The following COX10 variants were observed in gnomAD, a reference collection of about 807,000 sequenced individuals.
COX10 encodes the protein protoheme IX farnesyltransferase, mitochondrial.
In COX10, 27 loss-of-function variants were observed where a neutral mutation model predicts 37.3. That is an observed-to-expected ratio of 0.72 (90% CI 0.53 to 1.00). The LOEUF (loss-of-function observed/expected upper bound fraction) is 1.00, where lower values mean the gene tolerates loss of function less well. Ranked by LOEUF, COX10 falls within the 50% of genes least tolerant of loss-of-function variation. The probability of loss-of-function intolerance (pLI) is 0.00; values close to 1 mark genes in which losing one functional copy is unlikely to be tolerated. For missense variants in COX10, 475 were observed against 563.2 expected (o/e 0.84, Z 1.59); for synonymous variants, 222 against 229.1 (o/e 0.97, Z 0.28).
At chr17:14,136,597 A>G (rs1393708412) in intron 4 of COX10, among the ~76,000 whole-genome samples, 1 of 151,976 alleles carries the variant, frequency 6.6e-6, no homozygotes, top group African/African-American at 2.4e-5. Flanking sequence ...TTTGGTATGT[A>G]CATTTCAAAA....
chr17:14,187,517 T>A (rs948802386), intron 5 of COX10, among the ~76,000 whole-genome samples: 2 of 152,216 alleles, frequency 1.3e-5, no homozygotes, highest in Admixed American at 6.5e-5. Context: ...CAATTTTTTT[T>A]AAGTAGTTAT....
In COX10 at chr17:14,162,808, T is replaced by C. The variant is rs190048511; in HGVS notation, c.695+2861T>C. On this transcript the variant is annotated intron_variant, in intron 5 of 6. Coordinates refer to ENST00000261643, the MANE Select transcript of COX10 (RefSeq NM_001303.4). ...GTAATCGAATCCTCAAACACAGATATAGAGTTAGGTGCGATGAAGGCATCT... is the reference window on the plus strand; with the variant it reads ...GTAATCGAATCCTCAAACACAGATACAGAGTTAGGTGCGATGAAGGCATCT... Among the ~76,000 whole-genome samples the C allele has an allele frequency of 1.2e-3, 181 of 152,290 alleles. 1 individual carries two copies. Among genetic ancestry groups the C allele is most frequent in the Non-Finnish European group, 2.4e-3 (161 of 68,016 alleles).
intron 4 of COX10, among the ~76,000 whole-genome samples, chr17:14,150,556 T>C (rs183509827): frequency 6.6e-6 from 1 of 152,306 alleles, no homozygotes; most frequent in East Asian, 1.9e-4. Flanking sequence ...CCATTGGAAT[T>C]AATGTCCAGC....
intron 4 of COX10, among the ~76,000 whole-genome samples, chr17:14,105,396 A>T (rs1319598554): frequency 6.6e-6 from 1 of 152,190 alleles, no homozygotes; most frequent in African/African-American, 2.4e-5. Flanking sequence ...TGCTGGGAGG[A>T]TGGCTGCCAG....
rs185478210 is a variant in COX10, at chr17:14,078,655, C to A, written c.499+1599C>A. On this transcript the variant is annotated intron_variant, in intron 3 of 6. Transcript: ENST00000261643. Reference sequence around the variant, plus strand: ...GTTTTTGCAGCAGCTTCTAACTGTTCTTTCTTTTGTCCTCCGCCCCGCTTA... The same window carrying A: ...GTTTTTGCAGCAGCTTCTAACTGTTATTTCTTTTGTCCTCCGCCCCGCTTA... Among the ~76,000 whole-genome samples the A allele has an allele frequency of 2.5e-4, 38 of 152,268 alleles. No individual in the cohort carries two copies. The East Asian group carries it at 6.9e-3, about 28-fold the overall frequency.
rs544858664 is a variant in COX10, at chr17:14,143,760, G to T, written c.625-16117G>T. ...CAACTGTCTTTTAAAGGTGTACTCTGTGTTCTCTGATAGGCAAAATGGATG... is the reference window on the plus strand; with the variant it reads ...CAACTGTCTTTTAAAGGTGTACTCTTTGTTCTCTGATAGGCAAAATGGATG... On this transcript the variant is annotated intron_variant, in intron 4 of 6. Coordinates refer to ENST00000261643, the MANE Select transcript of COX10 (RefSeq NM_001303.4). Among the ~76,000 whole-genome samples the T allele has an allele frequency of 2.0e-5, 3 of 152,260 alleles. No homozygotes were observed. In the East Asian group the frequency reaches 5.8e-4, roughly 29 times the overall value.
intron 5 of COX10, among the ~76,000 whole-genome samples, chr17:14,161,276 T>C (rs1251888726): frequency 6.6e-6 from 1 of 152,208 alleles, no homozygotes; most frequent in Non-Finnish European, 1.5e-5. Context: ...GTCCCAAATA[T>C]TGAAGTCTCA....
At chr17:14,104,336 G>T (rs946735332) in intron 4 of COX10, among the ~76,000 whole-genome samples, 2 of 152,034 alleles carry the variant, frequency 1.3e-5, no homozygotes, top group African/African-American at 4.8e-5. Context: ...CCAGTGTTAG[G>T]CAATCTTATA....
intron 4 of COX10, among the ~76,000 whole-genome samples, chr17:14,151,313 C>T (rs560443982): frequency 6.6e-6 from 1 of 152,180 alleles, no homozygotes; most frequent in African/African-American, 2.4e-5. Context: ...TGAAATGAAC[C>T]ATGAGTCTTG....
chr17:14,076,734 G>A lies in COX10; in HGVS notation c.178-1G>A. ...ATAGTAATGTGTGCTTTTTTGTTTA[G>A]TATGTCACACAGCTGAACAGAAGCC... On this transcript the variant is annotated splice_acceptor_variant, in intron 2 of 6. Coordinates refer to ENST00000261643, the MANE Select transcript of COX10 (RefSeq NM_001303.4). LOFTEE classifies it high-confidence loss of function. The A allele has an allele frequency of 1.2e-6, 2 of 1,613,974 alleles. No individual in the cohort carries two copies. The highest frequency in any genetic ancestry group is 1.1e-5 in the South Asian group (1 of 91,076).
intron 5 of COX10, among the ~76,000 whole-genome samples, chr17:14,180,169 C>A (rs1335982528): frequency 6.6e-6 from 1 of 151,414 alleles, no homozygotes; most frequent in Admixed American, 6.6e-5. Context: ...CAGACGGGTA[C>A]CCAGCCAGGC....
intron 4 of COX10, among the ~76,000 whole-genome samples, chr17:14,142,995 T>C (rs1904592164): frequency 6.6e-6 from 1 of 152,220 alleles, no homozygotes; most frequent in Non-Finnish European, 1.5e-5. Context: ...TCAGCCTTTT[T>C]ACATCTTTCA....
At chr17:14,125,500 G>A (rs1378724666) in intron 4 of COX10, among the ~76,000 whole-genome samples, 6 of 152,134 alleles carry the variant, frequency 3.9e-5, no homozygotes, top group Non-Finnish European at 8.8e-5. Context: ...CATATTCAGA[G>A]CCAGACGATG....
At chr17:14,195,456 A>G (rs577941086) in intron 6 of COX10, among the ~76,000 whole-genome samples, 57 of 152,322 alleles carry the variant, frequency 3.7e-4, no homozygotes, top group African/African-American at 1.3e-3. Context: ...CCCATTAGCC[A>G]TATTTCAAAC....
At position 14,192,272 on chromosome 17, in the gene COX10, G is replaced by T. The variant is rs745531010; in HGVS notation, c.928+51G>T. 1.9e-5 allele frequency: 31 copies of T among 1,613,860 alleles called. No individual in the cohort carries two copies. In the Admixed American group the frequency reaches 2.7e-4, roughly 14 times the overall value. Reference sequence around the variant, plus strand: ...CATATGAGCACACTCGGTCAAGGAGGCATTTCCTCCCTGAGCTGTAGCACT... The same window carrying T: ...CATATGAGCACACTCGGTCAAGGAGTCATTTCCTCCCTGAGCTGTAGCACT... On this transcript the variant is annotated intron_variant, in intron 6 of 6. Coordinates refer to ENST00000261643, the MANE Select transcript of COX10 (RefSeq NM_001303.4).
At position 14,167,172 on chromosome 17, in the gene COX10, G is replaced by T. The variant is rs117524741; in HGVS notation, c.695+7225G>T. On this transcript the variant is annotated intron_variant, in intron 5 of 6. Coordinates refer to ENST00000261643, the MANE Select transcript of COX10 (RefSeq NM_001303.4). ...TACTTCAGTGGAGACAGATACGAAA[G>T]AAATAGCAAGAGAATGAGAATTAGA... Among the ~76,000 whole-genome samples, 1,480 of 152,234 alleles carry T rather than the reference G, an allele frequency of 9.7e-3. 13 individuals are homozygous for T. Among genetic ancestry groups the T allele is most frequent in the Non-Finnish European group, 0.016 (1,095 of 68,002 alleles).
At chr17:14,076,173 C>T (rs74906701) in intron 2 of COX10, among the ~76,000 whole-genome samples, 7,628 of 123,962 alleles carry the variant, frequency 0.062, 280 homozygotes, top group Middle Eastern at 0.092. Context: ...TGGAGTACAA[C>T]GGTGCAATCA....
At chr17:14,146,670 A>G (rs1904729167) in intron 4 of COX10, among the ~76,000 whole-genome samples, 1 of 152,194 alleles carries the variant, frequency 6.6e-6, no homozygotes, top group Non-Finnish European at 1.5e-5. Context: ...GCTTCTTCAC[A>G]GGAAAGGAAA....
chr17:14,167,248 G>A (rs1905316704), intron 5 of COX10, among the ~76,000 whole-genome samples: 1 of 152,174 alleles, frequency 6.6e-6, no homozygotes, highest in Non-Finnish European at 1.5e-5. Context: ...GATAAAACTT[G>A]AACACATGAA....
Sources: gnomAD v4.1 joint callset for allele counts (sites outside exome capture counted in the v4.1 genomes callset) on GRCh38, gnomAD v4.1.1 for gene constraint, MANE v1.5 for transcripts, NCBI Gene and HGNC (gene_info 2026-07-23, HGNC 2026-07-21) for gene names.